CAD: variants seen among roughly 807,000 people sequenced by gnomAD.
The protein encoded by CAD is multifunctional protein CAD.
CAD carries 81 observed loss-of-function variants against 237.2 expected under a neutral mutation model. The observed-to-expected ratio is 0.34, with a 90% CI of 0.29 to 0.41. The LOEUF is 0.41. Among genes scored for constraint, CAD ranks in the 10% least tolerant of loss-of-function variants. The pLI is 1.00. For synonymous variants in CAD, 1,196 were observed against 1,162.8 expected (o/e 1.03, Z -0.58); for missense variants, 2,181 against 2,951.7 (o/e 0.74, Z 6.05).
intron 13 of CAD, 86 bp from the exon 14 acceptor site, chr2:27,226,439 C>T (rs1216309397): frequency 6.4e-7 from 1 of 1,562,992 alleles, no homozygotes; most frequent in Non-Finnish European, 8.7e-7. Flanking sequence ...CTGGAATCTT[C>T]TTTACTAGGT....
Position 27,240,906 on chromosome 2 carries a change from T to G in CAD, c.5594-5T>G, listed in dbSNP as rs746020347. ...TGTATATCTGTCCTCTTGTCCTGTT[T>G]GCAGCTGAGGAGCCAAAGGAGAAGT... On this transcript the variant is annotated splice_polypyrimidine_tract_variant and splice_region_variant and intron_variant, in intron 35 of 43. Transcript: ENST00000264705. The surrounding 1 kb of genome is among the most constrained non-coding windows in gnomAD (Gnocchi z 4.6). 4 of 1,614,120 alleles carry G rather than the reference T, an allele frequency of 2.5e-6. No individual in the cohort carries two copies. Among genetic ancestry groups the G allele is most frequent in the Non-Finnish European group, 2.5e-6 (3 of 1,179,966 alleles).
At position 27,243,399 on chromosome 2, in the gene CAD, T is replaced by TC. The variant is rs1173874986; in HGVS notation, c.6576-17_6576-16insC. 2.0e-6 allele frequency: 3 copies of TC among 1,533,062 alleles called. No individual in the cohort carries two copies. The highest frequency in any genetic ancestry group is 2.6e-6 in the Non-Finnish European group (3 of 1,140,338). 95.0% of individuals were successfully genotyped at this position (1,533,062 alleles called of 1,614,324 possible). The stretch of plus-strand genomic sequence containing the variant: ...TGCACGATAACACTTCCTTTTTTTT[T>TC]TTTTTTTTTTTTGCAGCGTGGAAGT... On this transcript the variant is annotated splice_polypyrimidine_tract_variant and intron_variant, in intron 43 of 43. Coordinates refer to ENST00000264705, the MANE Select transcript of CAD (RefSeq NM_004341.5).
rs1676018310 is a variant in CAD at position 27,236,654 on chromosome 2, A to C, written c.4315-95A>C. 1 of 1,533,224 alleles carries C rather than the reference A, an allele frequency of 6.5e-7. No individual in the cohort carries two copies. Among genetic ancestry groups the C allele is most frequent in the South Asian group, 1.1e-5 (1 of 89,208 alleles). 95.0% of individuals were successfully genotyped at this position (1,533,224 alleles called of 1,614,324 possible). The stretch of plus-strand genomic sequence containing the variant: ...CTACAGAGGGAGAGATGGTGGGTAT[A>C]GAGTGTGCAGAGCCTGGTTTATGGG... On this transcript the variant is annotated intron_variant, in intron 26 of 43. Coordinates refer to ENST00000264705, the MANE Select transcript of CAD (RefSeq NM_004341.5). The surrounding 1 kb of genome is among the most constrained non-coding windows in gnomAD (Gnocchi z 4.1).
Position 27,223,695 on chromosome 2 carries a change from C to T in CAD, c.942C>T (p.Asn314=), listed in dbSNP as rs369713312. 9.9e-6 allele frequency: 16 copies of T among 1,614,078 alleles called. No individual in the cohort carries two copies. Among genetic ancestry groups the T allele is most frequent in the African/African-American group, 5.3e-5 (4 of 74,924 alleles). The change falls in exon 7 of 44, where the codon AAC becomes AAT. Residue 314 remains asparagine, a synonymous_variant. Transcript: ENST00000264705. Reference sequence around the variant, plus strand: ...CAGACTGGGCTCCTCTCTTCACCAACGCCAATGATGGTTCCAATGAAGGCA... The same window carrying T: ...CAGACTGGGCTCCTCTCTTCACCAATGCCAATGATGGTTCCAATGAAGGCA... ...LPADWAPLFT[N]ANDGSNEGIV...
At position 27,219,650 on chromosome 2, in the gene CAD, G is replaced by A. The variant is rs564635427; in HGVS notation, c.223-1568G>A. 3.3e-5 allele frequency among the ~76,000 whole-genome samples: 5 copies of A among 151,914 alleles called. No individual in the cohort carries two copies. The South Asian group carries it at 1.0e-3, about 32-fold the overall frequency. ...TTGTTGCTCAGGTTGGAGTGCAATGGGCAACCTTGGCTCACTGCAACCTCC... is the reference window on the plus strand; with the variant it reads ...TTGTTGCTCAGGTTGGAGTGCAATGAGCAACCTTGGCTCACTGCAACCTCC... On this transcript the variant is annotated intron_variant, in intron 2 of 43. Transcript: ENST00000264705.
chr2:27,231,678 C>T, intron 16 of CAD, 98 bp downstream of exon 16: 1 of 747,558 alleles, frequency 1.3e-6, no homozygotes, highest in Non-Finnish European at 2.3e-6. Flanking sequence ...TAGCAGCAGT[C>T]ATCATTGGAC....
rs370428176 is a variant in CAD at position 27,217,945 on chromosome 2, G to C, written c.151G>C (p.Val51Leu). ...TDPSYKAQIL[V>L]LTYPLIGNYG... ...TCCCTCCTACAAGGCACAGATCTTA[G>C]TGCTCACCTATCCTCTGATCGGCAA... Residue 51 changes from valine to leucine, a missense_variant, in exon 2 of 44, where the codon GTG becomes CTG. Val to Leu is a conservative substitution (Grantham distance 32). This residue lies in a region of CAD where 314 missense variants were observed against 339.4 expected (regional missense o/e 0.93). Coordinates refer to ENST00000264705, the MANE Select transcript of CAD (RefSeq NM_004341.5). The C allele has an allele frequency of 1.2e-6, 2 of 1,613,230 alleles. No homozygotes were observed. Among genetic ancestry groups the C allele is most frequent in the Non-Finnish European group, 1.7e-6 (2 of 1,179,610 alleles).
chr2:27,224,094 G>A (rs573608747), intron 8 of CAD, 65 bp downstream of exon 8: 23 of 1,219,652 alleles, frequency 1.9e-5, no homozygotes, highest in Non-Finnish European at 2.6e-5. Flanking sequence ...ATGGGCATAA[G>A]GTGGACATGC....
rs1405984300 is a variant in CAD at position 27,237,861 on chromosome 2, C to T, written c.4707C>T (p.Asp1569=). 1 of 1,612,348 alleles carries T rather than the reference C, an allele frequency of 6.2e-7. No homozygotes were observed. Among genetic ancestry groups the T allele is most frequent in the East Asian group, 2.2e-5 (1 of 44,850 alleles). Reference sequence around the variant, plus strand: ...AGACCTTCTCTGAGCTGCGGCTGGACAGCGTGGTCCAGTGGATGGAGGTAG... The same window carrying T: ...AGACCTTCTCTGAGCTGCGGCTGGATAGCGTGGTCCAGTGGATGGAGGTAG... ...LNETFSELRL[D]SVVQWMEHFE... Residue 1569 remains aspartate (D), a synonymous_variant, in exon 29 of 44, where the codon GAC becomes GAT. Transcript: ENST00000264705. The surrounding 1 kb of genome is among the most constrained non-coding windows in gnomAD (Gnocchi z 4.0).
rs1043909241 is a variant in CAD, at chr2:27,224,002, A to C, written c.1081A>C (p.Thr361Pro). Reference sequence around the variant, plus strand: ...CTTTCTGGAAACTGTGAAAGAGGCCACAGCTGGGAACCCTGGGGGCCAGAC... The same window carrying C: ...CTTTCTGGAAACTGTGAAAGAGGCCCCAGCTGGGAACCCTGGGGGCCAGAC... ...DIFLETVKEA[T>P]AGNPGGQTVR... Residue 361 changes from threonine (T) to proline (P), a missense_variant, in exon 8 of 44, where the codon ACA becomes CCA. By Grantham distance (38) the Thr-to-Pro change is conservative. Transcript: ENST00000264705. The C allele has an allele frequency of 3.1e-6, 5 of 1,613,734 alleles. No individual in the cohort carries two copies. Among genetic ancestry groups the C allele is most frequent in the Non-Finnish European group, 4.2e-6 (5 of 1,179,590 alleles).
chr2:27,225,605 C>A, intron 11 of CAD, 100 bp from the exon 12 acceptor site: 1 of 933,674 alleles, frequency 1.1e-6, no homozygotes, highest in Non-Finnish European at 1.7e-6. Flanking sequence ...AGCCACTATG[C>A]CCAGCCATGT....
rs1395539155 is a variant in CAD at position 27,226,812 on chromosome 2, T to C, written c.2157-20T>C. 1.2e-6 allele frequency: 2 copies of C among 1,613,568 alleles called. No homozygotes were observed. The highest frequency in any genetic ancestry group is 1.7e-6 in the Non-Finnish European group (2 of 1,179,670). On this transcript the variant is annotated intron_variant, in intron 14 of 43. Transcript: ENST00000264705. Reference sequence around the variant, plus strand: ...TGCTTCCTTCACTGTCCTTCTGGCATCCCACCTGCTGGACCCCAGGAACTC... The same window carrying C: ...TGCTTCCTTCACTGTCCTTCTGGCACCCCACCTGCTGGACCCCAGGAACTC...
Position 27,233,907 on chromosome 2 carries a change from G to T in CAD, c.3399+99G>T. The T allele has an allele frequency of 6.4e-7, 1 of 1,551,804 alleles. No homozygotes were observed. Among genetic ancestry groups the T allele is most frequent in the Non-Finnish European group, 8.8e-7 (1 of 1,130,088 alleles). Reference sequence around the variant, plus strand: ...GCAGAATCATAGGCACCAGGGCTGGGAACAGTGGGCTATGTGGGGCTCGTT... The same window carrying T: ...GCAGAATCATAGGCACCAGGGCTGGTAACAGTGGGCTATGTGGGGCTCGTT... On this transcript the variant is annotated intron_variant, in intron 21 of 43. Transcript: ENST00000264705. The surrounding 1 kb of genome is among the most constrained non-coding windows in gnomAD (Gnocchi z 6.3).
chr2:27,234,876 A>C (rs1572442972), intron 23 of CAD, among the ~76,000 whole-genome samples, 191 bp downstream of exon 23: 1 of 152,150 alleles, frequency 6.6e-6, no homozygotes. Context: ...TTGGATCCCC[A>C]AAAAAGCTTT....
chr2:27,219,348 GT>G (rs58362878), intron 2 of CAD, among the ~76,000 whole-genome samples: 2 of 147,036 alleles, frequency 1.4e-5, no homozygotes, highest in Admixed American at 6.8e-5. Context: ...TATGGTTTTT[GT>G]TTTTTTTTTG....
rs2148100907 is a variant in CAD, at chr2:27,242,953, T to C, written c.6460T>C (p.Ser2154Pro). Reference protein sequence around the residue: ...MTRIQKERFGSTQEYEACFGQ... With the variant: ...MTRIQKERFGPTQEYEACFGQ... ...TCGAATCCAGAAGGAACGATTTGGC[T>C]CTACCCAGGAGTACGAAGCTGTGAG... The change falls in exon 42 of 44, where the codon TCT becomes CCT. Residue 2154 changes from serine (S) to proline (P), a missense_variant. Physicochemically the swap from Ser to Pro is moderately conservative, Grantham distance 74. Around this residue, in one of 12 missense-constraint regions of CAD, gnomAD observed 170 missense variants for 212.1 expected, o/e 0.80. Transcript: ENST00000264705. The surrounding 1 kb of genome is among the most constrained non-coding windows in gnomAD (Gnocchi z 6.4). 2.5e-6 allele frequency: 4 copies of C among 1,605,690 alleles called. No individual in the cohort carries two copies. The highest frequency in any genetic ancestry group is 3.4e-6 in the Non-Finnish European group (4 of 1,173,578).
rs1306857931 is a variant in CAD, at chr2:27,237,678, A to G, written c.4564-40A>G. 2 of 1,591,994 alleles carry G rather than the reference A, an allele frequency of 1.3e-6. No homozygotes were observed. The highest frequency in any genetic ancestry group is 8.6e-7 in the Non-Finnish European group (1 of 1,166,988). On this transcript the variant is annotated intron_variant, in intron 28 of 43. Coordinates refer to ENST00000264705, the MANE Select transcript of CAD (RefSeq NM_004341.5). This position sits in a 1 kb window ranked among gnomAD's most constrained non-coding sequence, Gnocchi z 4.0. ...TGGTGCCAGGCTAGCCTGTGTGGGC[A>G]TGGGTGCCAGTGAGCCTTACCTCTG... is the stretch of plus-strand genomic sequence containing the variant.
In CAD at chr2:27,241,311, C is replaced by CTCTT; in HGVS notation, c.5809-6_5809-3dup. 1 of 1,614,154 alleles carries CTCTT rather than the reference C, an allele frequency of 6.2e-7. No homozygotes were observed. The highest frequency in any genetic ancestry group is 8.5e-7 in the Non-Finnish European group (1 of 1,180,014). On this transcript the variant is annotated splice_polypyrimidine_tract_variant and intron_variant, in intron 37 of 43. Coordinates refer to ENST00000264705, the MANE Select transcript of CAD (RefSeq NM_004341.5). The surrounding 1 kb of genome is among the most constrained non-coding windows in gnomAD (Gnocchi z 4.6). Reference sequence around the variant, plus strand: ...CTAGGACCTTTCTAGCTAACTTGGGCTCTTTCTTAGATGTCTCACCTGTTC... The same window carrying CTCTT: ...CTAGGACCTTTCTAGCTAACTTGGGCTCTTTCTTTCTTAGATGTCTCACCTGTTC...
At position 27,239,587 on chromosome 2, in the gene CAD, G is replaced by C. The variant is rs564974872; in HGVS notation, c.5395-110G>C. On this transcript the variant is annotated intron_variant, in intron 33 of 43. Coordinates refer to ENST00000264705, the MANE Select transcript of CAD (RefSeq NM_004341.5). This position sits in a 1 kb window ranked among gnomAD's most constrained non-coding sequence, Gnocchi z 4.0. ...TATGTGCACCACTGCCCTGGACCAGGGGTTGGGGGCACAGCTCCCCCAAGG... is the reference window on the plus strand; with the variant it reads ...TATGTGCACCACTGCCCTGGACCAGCGGTTGGGGGCACAGCTCCCCCAAGG... 1.9e-5 allele frequency: 28 copies of C among 1,508,398 alleles called. No homozygotes were observed. Among genetic ancestry groups the C allele is most frequent in the African/African-American group, 2.7e-5 (2 of 72,812 alleles). The allele number at this position is 1,508,398 out of a possible 1,614,324, so 93.4% of individuals were successfully genotyped here. A position where few individuals can be genotyped will look rare whatever the true frequency, so the allele number is the denominator to read the frequency against.
Sources: gnomAD v4.1 joint callset for allele counts (sites outside exome capture counted in the v4.1 genomes callset) on GRCh38, gnomAD v4.1.1 for gene constraint, gnomAD v4.1.1 regional missense constraint, Gnocchi (gnomAD v3.1) non-coding constraint, MANE v1.5 for transcripts, NCBI Gene and HGNC (gene_info 2026-07-23, HGNC 2026-07-21) for gene names.